ZFR2: variants seen among roughly 807,000 people sequenced by gnomAD.
ZFR2 encodes the protein zinc finger RNA binding protein 2.
Under a neutral mutation model 105.7 loss-of-function variants are expected in ZFR2, and 104 were observed. That is an observed-to-expected ratio of 0.98 (90% CI 0.84 to 1.16). The LOEUF is 1.16. Ranked by LOEUF, ZFR2 falls within the 50% of genes most tolerant of loss-of-function variation. ZFR2 has a pLI of 0.00. For missense variants in ZFR2, 1,425 were observed against 1,355.5 expected (o/e 1.05, Z -0.80); for synonymous variants, 634 against 597.7 (o/e 1.06, Z -0.89).
At chr19:3,807,442 G>A (rs534031600) in intron 17 of ZFR2, among the ~76,000 whole-genome samples, 173 bp from the exon 18 acceptor site, 3 of 152,328 alleles carry the variant, frequency 2.0e-5, no homozygotes, top group South Asian at 4.1e-4. Flanking sequence ...GGTCTCACCC[G>A]GGCACATGGG....
At chr19:3,854,177 G>A (rs2038272239) in intron 1 of ZFR2, among the ~76,000 whole-genome samples, 1 of 152,024 alleles carries the variant, frequency 6.6e-6, no homozygotes, top group South Asian at 2.1e-4. Context: ...GATCACTTGA[G>A]GTCAGGGTTC....
In ZFR2 at chr19:3,805,859, C is replaced by T. The variant is rs779481729; in HGVS notation, c.*90G>A. 27 of 1,362,910 alleles carry T rather than the reference C, an allele frequency of 2.0e-5. No individual in the cohort carries two copies. Among genetic ancestry groups the T allele is most frequent in the Non-Finnish European group, 2.5e-5 (26 of 1,040,870 alleles). 84.4% of individuals were successfully genotyped at this position (1,362,910 alleles called of 1,614,324 possible). On this transcript the variant is annotated 3_prime_UTR_variant, in exon 19 of 19. Coordinates refer to ENST00000262961, the MANE Select transcript of ZFR2 (RefSeq NM_015174.2). ...TACTCAAAAGGAAATGACCATTGTC[C>T]AACGTCGGGGATGAAGCAGCCATTG...
rs10406425 is a variant in ZFR2, at chr19:3,808,828, C to T, written c.2545+44G>A. 0.013 allele frequency: 19,454 copies of T among 1,480,482 alleles called. 2,128 individuals are homozygous for T. The African/African-American group carries it at 0.24, about 18-fold the overall frequency. The allele number at this position is 1,480,482 out of a possible 1,614,324, so 91.7% of individuals were successfully genotyped here. On this transcript the variant is annotated intron_variant, in intron 17 of 18. Transcript: ENST00000262961. ...CCATGGCCACGGGCCCTGGTCTCTG[C>T]GATTTGCCGCCCACCTCCTGGGCCC...
chr19:3,817,405 A>G (rs1439713084), intron 12 of ZFR2, among the ~76,000 whole-genome samples: 2 of 151,738 alleles, frequency 1.3e-5, no homozygotes, highest in Admixed American at 1.3e-4. Context: ...ATAAAAATAT[A>G]AGAATTAGCC....
chr19:3,845,257 T>C (rs1254196236), intron 1 of ZFR2, among the ~76,000 whole-genome samples: 1 of 152,130 alleles, frequency 6.6e-6, no homozygotes, highest in Non-Finnish European at 1.5e-5. Flanking sequence ...AGACCCTGGC[T>C]CTCCAACTGC....
At chr19:3,832,116 C>G (rs1380336054) in intron 3 of ZFR2, among the ~76,000 whole-genome samples, 2 of 152,154 alleles carry the variant, frequency 1.3e-5, no homozygotes, top group Non-Finnish European at 2.9e-5. Flanking sequence ...GTGCCCTAGA[C>G]AAGCTCCTCT....
chr19:3,835,112 G>A, intron 1 of ZFR2, 129 bp from the exon 2 acceptor site: 1 of 1,045,034 alleles, frequency 9.6e-7, no homozygotes, highest in Non-Finnish European at 1.4e-6. Context: ...CCTCCTAGGA[G>A]CCCAGGCACG....
intron 1 of ZFR2, among the ~76,000 whole-genome samples, chr19:3,845,235 TTCTC>T (rs1346928797): frequency 1.3e-5 from 2 of 152,176 alleles, no homozygotes; most frequent in Non-Finnish European, 2.9e-5. Context: ...TTCAACTTAA[TTCTC>T]TCTTCAAAGA....
chr19:3,821,004 T>G, intron 10 of ZFR2, among the ~76,000 whole-genome samples: 1 of 82,890 alleles, frequency 1.2e-5, no homozygotes, highest in African/African-American at 5.0e-5. Context: ...ACACTAGAGG[T>G]CGGGGACACA....
rs941023084 is a variant in ZFR2 at position 3,838,040 on chromosome 19, C to T, written c.54-3057G>A. 9.4e-5 allele frequency among the ~76,000 whole-genome samples: 14 copies of T among 149,530 alleles called. No homozygotes were observed. Among genetic ancestry groups the T allele is most frequent in the East Asian group, 2.0e-4 (1 of 4,908 alleles). ...TGATGAACACCGTGACTGTGACACA[C>T]GATGAACACCATGACCGTGACACGT... is the stretch of plus-strand genomic sequence containing the variant. On this transcript the variant is annotated intron_variant, in intron 1 of 18. Coordinates refer to ENST00000262961, the MANE Select transcript of ZFR2 (RefSeq NM_015174.2). This position sits in a 1 kb window ranked among gnomAD's most constrained non-coding sequence, Gnocchi z 4.9.
chr19:3,833,854 C>CCACACTG, intron 2 of ZFR2, 76 bp from the exon 3 acceptor site: 1 of 1,094,082 alleles, frequency 9.1e-7, no homozygotes, highest in Admixed American at 2.0e-5. Flanking sequence ...ACGCGCCCTG[C>CCACACTG]CACACTGCAC....
intron 3 of ZFR2, among the ~76,000 whole-genome samples, chr19:3,832,281 T>G (rs1472854654): frequency 6.6e-6 from 1 of 152,114 alleles, no homozygotes; most frequent in African/African-American, 2.4e-5. Flanking sequence ...CAGCCAGCTC[T>G]GAGGCTCACC....
rs755437999 is a variant in ZFR2 at position 3,819,130 on chromosome 19, G to T, written c.1846C>A (p.His616Asn). ...ELLAVQRAVS[H>N]AERALKLVSD... is the part of the protein sequence containing the mutation. The stretch of plus-strand genomic sequence containing the variant: ...ACCAGCTTGAGGGCCCGCTCTGCGT[G>T]GGACACGGCCCTCTGCACGGCCAGG... Residue 616 changes from histidine (H) to asparagine (N), a missense_variant, in exon 12 of 19, where the codon CAC (histidine) becomes AAC (asparagine). By Grantham distance (68) the His-to-Asn change is moderately conservative (BLOSUM62 1). Transcript: ENST00000262961. 1 of 1,610,958 alleles carries T rather than the reference G, an allele frequency of 6.2e-7. No individual in the cohort carries two copies. Among genetic ancestry groups the T allele is most frequent in the Admixed American group, 1.7e-5 (1 of 59,786 alleles).
At chr19:3,835,123 G>T in intron 1 of ZFR2, 140 bp from the exon 2 acceptor site, 2 of 925,130 alleles carry the variant, frequency 2.2e-6, no homozygotes, top group Non-Finnish European at 3.4e-6. Context: ...CCCAGGCACG[G>T]CCGGAAGCAC....
chr19:3,832,930 G>A (rs958668792), intron 3 of ZFR2, among the ~76,000 whole-genome samples: 5 of 144,924 alleles, frequency 3.5e-5, no homozygotes, highest in Non-Finnish European at 6.1e-5. Context: ...GTGAGCCACC[G>A]TGCCCGGCCT....
At chr19:3,821,981 G>T in intron 9 of ZFR2, 100 bp downstream of exon 9, 2 of 1,454,304 alleles carry the variant, frequency 1.4e-6, no homozygotes, top group Non-Finnish European at 1.8e-6. Context: ...TAAGTTCGTC[G>T]GATCACACGC....
chr19:3,853,136 G>C (rs1568431828), intron 1 of ZFR2, among the ~76,000 whole-genome samples: 1 of 152,210 alleles, frequency 6.6e-6, no homozygotes, highest in South Asian at 2.1e-4. Context: ...GATCTGGGAA[G>C]GACAGGCTGG....
In ZFR2 at chr19:3,834,742, G is replaced by A. The variant is rs777159534; in HGVS notation, c.264+31C>T. 1.1e-5 allele frequency: 18 copies of A among 1,605,310 alleles called. No homozygotes were observed. The Admixed American group carries it at 1.4e-4, about 12-fold the overall frequency. Reference sequence around the variant, plus strand: ...CCATGCAAGGCGACCCACGTTTCCCGGCAACGCTGGTCAAAGAAAGGACTG... The same window carrying A: ...CCATGCAAGGCGACCCACGTTTCCCAGCAACGCTGGTCAAAGAAAGGACTG... On this transcript the variant is annotated intron_variant, in intron 2 of 18. Coordinates refer to ENST00000262961, the MANE Select transcript of ZFR2 (RefSeq NM_015174.2). The surrounding 1 kb of genome is among the most constrained non-coding windows in gnomAD (Gnocchi z 5.3).
In ZFR2 at chr19:3,868,996, C is replaced by T. The variant is rs2038468623; in HGVS notation, c.22G>A (p.Asp8Asn). Residue 8 changes from aspartate (D) to asparagine (N), a missense_variant, in exon 1 of 19, where the codon GAC becomes AAC. Asp to Asn is a conservative substitution (Grantham distance 23, BLOSUM62 1). Coordinates refer to ENST00000262961, the MANE Select transcript of ZFR2 (RefSeq NM_015174.2). ...TGCGGGCCGCCGCCCTGCGCGAAGTCGAAATACTGACTCGTCGCCATCTTG... is the reference window on the plus strand; with the variant it reads ...TGCGGGCCGCCGCCCTGCGCGAAGTTGAAATACTGACTCGTCGCCATCTTG... MATSQYF[D>N]FAQGGGPQYS... The T allele has an allele frequency of 2.2e-6, 3 of 1,379,558 alleles. No individual in the cohort carries two copies. Among genetic ancestry groups the T allele is most frequent in the Non-Finnish European group, 2.8e-6 (3 of 1,056,692 alleles). 85.5% of individuals were successfully genotyped at this position (1,379,558 alleles called of 1,614,324 possible).
Sources: gnomAD v4.1 joint callset for allele counts (sites outside exome capture counted in the v4.1 genomes callset) on GRCh38, gnomAD v4.1.1 for gene constraint, Gnocchi (gnomAD v3.1) non-coding constraint, MANE v1.5 for transcripts, NCBI Gene and HGNC (gene_info 2026-07-23, HGNC 2026-07-21) for gene names.